TAFA4: variants seen among roughly 807,000 people sequenced by gnomAD.
TAFA4 encodes the protein TAFA chemokine like family member 4, also known as chemokine-like protein TAFA-4.
In TAFA4, 20 loss-of-function variants were observed where a neutral mutation model predicts 21.1. That is an observed-to-expected ratio of 0.95 (90% CI 0.67 to 1.38). TAFA4 has a LOEUF of 1.38. Ranked by LOEUF, TAFA4 falls within the 40% of genes most tolerant of loss-of-function variation. The pLI is 0.00. For synonymous variants in TAFA4, 71 were observed against 67.4 expected (o/e 1.05, Z -0.26); for missense variants, 211 against 180.9 (o/e 1.17, Z -0.95).
chr3:68,781,324 A>C (rs1480306471), intron 3 of TAFA4, among the ~76,000 whole-genome samples: 1 of 149,994 alleles, frequency 6.7e-6, no homozygotes, highest in Admixed American at 6.6e-5. Flanking sequence ...AAATAATTAA[A>C]AACAACTAAT....
chr3:68,912,595 C>T (rs1251660546), intron 1 of TAFA4, among the ~76,000 whole-genome samples: 1 of 152,352 alleles, frequency 6.6e-6, no homozygotes, highest in Non-Finnish European at 1.5e-5. Flanking sequence ...TCAAGTCTTA[C>T]TCATCTGTGT....
chr3:68,841,291 C>G (rs1704657786), intron 3 of TAFA4, among the ~76,000 whole-genome samples: 1 of 71,196 alleles, frequency 1.4e-5, no homozygotes, highest in African/African-American at 4.5e-5. Flanking sequence ...CCACTGCACT[C>G]CAGCCTGGGC....
chr3:68,903,573 T>C (rs2089865629), intron 1 of TAFA4, among the ~76,000 whole-genome samples: 1 of 152,236 alleles, frequency 6.6e-6, no homozygotes, highest in African/African-American at 2.4e-5. Context: ...TATCATAAAA[T>C]GTTTTAATGT....
At chr3:68,931,949 G>A (rs891111731) in intron 1 of TAFA4, among the ~76,000 whole-genome samples, 11 of 152,070 alleles carry the variant, frequency 7.2e-5, no homozygotes, top group Admixed American at 3.3e-4. Flanking sequence ...GAGCACCCCC[G>A]GGGATTCTGT....
chr3:68,833,779 A>G (rs1704456304), intron 3 of TAFA4, among the ~76,000 whole-genome samples: 1 of 152,150 alleles, frequency 6.6e-6, no homozygotes, highest in Non-Finnish European at 1.5e-5. Context: ...TGAACTGATC[A>G]CCCCTTTCAG....
chr3:68,769,364 T>C (rs1319899890), intron 3 of TAFA4, among the ~76,000 whole-genome samples: 1 of 152,152 alleles, frequency 6.6e-6, no homozygotes, highest in Non-Finnish European at 1.5e-5. Context: ...TACAATGTAA[T>C]AATAATAGAA....
chr3:68,774,346 T>C (rs1310269492), intron 3 of TAFA4, among the ~76,000 whole-genome samples: 1 of 152,220 alleles, frequency 6.6e-6, no homozygotes, highest in Admixed American at 6.5e-5. Context: ...TATTGACTAT[T>C]TAATACACAT....
At chr3:68,900,293 AATAATAATAATAATAATAAAG>A (rs2089833626) in intron 1 of TAFA4, among the ~76,000 whole-genome samples, 1 of 134,648 alleles carries the variant, frequency 7.4e-6, no homozygotes, top group African/African-American at 3.0e-5. Flanking sequence ...CAATAATAAT[AATAATAATAATAATAATAAAG>A]CTGCCTGGAA....
At chr3:68,760,114 T>C (rs1702733490) in intron 3 of TAFA4, among the ~76,000 whole-genome samples, 1 of 152,190 alleles carries the variant, frequency 6.6e-6, no homozygotes, top group Admixed American at 6.5e-5. Context: ...ACATGTGAGA[T>C]GCCTGTTTCC....
At chr3:68,790,308 A>G (rs897808304) in intron 3 of TAFA4, among the ~76,000 whole-genome samples, 3 of 152,166 alleles carry the variant, frequency 2.0e-5, no homozygotes, top group African/African-American at 7.2e-5. Flanking sequence ...AAAAGTCAAT[A>G]AATAAATTGA....
At chr3:68,866,939 G>A (rs1032326425) in intron 3 of TAFA4, among the ~76,000 whole-genome samples, 3 of 151,778 alleles carry the variant, frequency 2.0e-5, no homozygotes, top group Non-Finnish European at 4.4e-5. Flanking sequence ...GAATTACCTC[G>A]AAAGAACAAA....
At chr3:68,865,078 T>A (rs2089399185) in intron 3 of TAFA4, among the ~76,000 whole-genome samples, 1 of 152,132 alleles carries the variant, frequency 6.6e-6, no homozygotes, top group Admixed American at 6.6e-5. Context: ...TTTAACAAAG[T>A]GTACACTTTC....
At chr3:68,734,849 T>TATCA (rs781067821) in intron 5 of TAFA4, among the ~76,000 whole-genome samples, 4 of 152,164 alleles carry the variant, frequency 2.6e-5, no homozygotes, top group Admixed American at 6.6e-5. Context: ...TTTCTGGATC[T>TATCA]ATCAGTCTAC....
At chr3:68,844,537 T>C (rs974538581) in intron 3 of TAFA4, among the ~76,000 whole-genome samples, 2 of 152,192 alleles carry the variant, frequency 1.3e-5, no homozygotes, top group African/African-American at 4.8e-5. Context: ...GCTCTGATCT[T>C]AGTTATTTCT....
chr3:68,733,342 A>G (rs766308575), intron 5 of TAFA4, among the ~76,000 whole-genome samples, 189 bp from the exon 6 acceptor site: 3 of 152,184 alleles, frequency 2.0e-5, no homozygotes, highest in Non-Finnish European at 4.4e-5. Flanking sequence ...TATAAAGAAT[A>G]CATGCACAAA....
At chr3:68,917,536 C>T (rs953692136) in intron 1 of TAFA4, among the ~76,000 whole-genome samples, 1 of 151,856 alleles carries the variant, frequency 6.6e-6, no homozygotes, top group Non-Finnish European at 1.5e-5. Context: ...AGGCAGATCA[C>T]GAGGTCAGGA....
intron 3 of TAFA4, among the ~76,000 whole-genome samples, chr3:68,831,430 T>A (rs1000156585): frequency 2.0e-5 from 3 of 152,218 alleles, no homozygotes; most frequent in African/African-American, 7.2e-5. Flanking sequence ...GGATTTTATT[T>A]CTCCTTCACT....
chr3:68,877,394 C>A (rs982383446), intron 3 of TAFA4, among the ~76,000 whole-genome samples: 1 of 152,120 alleles, frequency 6.6e-6, no homozygotes, highest in Non-Finnish European at 1.5e-5. Context: ...AAAGTAAAAT[C>A]TTTTGTCTCT....
chr3:68,814,421 T>A (rs575185581), intron 3 of TAFA4, among the ~76,000 whole-genome samples: 1 of 152,160 alleles, frequency 6.6e-6, no homozygotes, highest in Non-Finnish European at 1.5e-5. Flanking sequence ...GAAAACGCCA[T>A]TGTCTCAGCC....
Sources: gnomAD v4.1 joint callset for allele counts (sites outside exome capture counted in the v4.1 genomes callset) on GRCh38, gnomAD v4.1.1 for gene constraint, MANE v1.5 for transcripts, NCBI Gene and HGNC (gene_info 2026-07-23, HGNC 2026-07-21) for gene names.